Variants in TRPM3 observed in about 807,000 individuals in gnomAD.
The protein encoded by TRPM3 is transient receptor potential cation channel subfamily M member 3, also known as long transient receptor potential channel 3.
Under a neutral mutation model 181.2 loss-of-function variants are expected in TRPM3, and 77 were observed. The observed-to-expected ratio is 0.42, with a 90% CI of 0.35 to 0.51. The LOEUF is 0.51. TRPM3 is among the 20% of genes least tolerant of loss of function. TRPM3 has a pLI of 0.01. For synonymous variants in TRPM3, 745 were observed against 796.4 expected, an observed-to-expected ratio of 0.94 and a Z score of 1.09; for missense variants, 1,759 against 2,196.7, an observed-to-expected ratio of 0.80 and a Z score of 3.98.
At chr9:70,922,963 T>C (rs2096673125) in intron 1 of TRPM3, among the ~76,000 whole-genome samples, 1 of 152,146 alleles carries the variant, frequency 6.6e-6, no homozygotes, top group African/African-American at 2.4e-5. Flanking sequence ...TATGAGATCA[T>C]CTGAAACAGT....
intron 1 of TRPM3, among the ~76,000 whole-genome samples, chr9:71,408,816 G>A (rs1271158041): frequency 6.6e-6 from 1 of 152,134 alleles, no homozygotes; most frequent in Non-Finnish European, 1.5e-5. Flanking sequence ...ATTCACCAAG[G>A]TTGAAATGAA....
rs867766910 is a variant in TRPM3 at position 70,798,282 on chromosome 9, T to C, written c.974-14003A>G. ...GTTGCCCAGGCTGGTCTAGAACTCC[T>C]GGGCTCAAGTGATCTGCCTGCCTTG... On this transcript the variant is annotated intron_variant, in intron 6 of 25. Coordinates refer to ENST00000677713, the MANE Select transcript of TRPM3 (RefSeq NM_001366145.2). Among the ~76,000 whole-genome samples the C allele has an allele frequency of 5.3e-5, 8 of 152,294 alleles. No individual in the cohort carries two copies. The Middle Eastern group carries it at 0.01, about 194-fold the overall frequency.
intron 1 of TRPM3, among the ~76,000 whole-genome samples, chr9:71,386,186 C>A (rs112220867): frequency 2.0e-5 from 3 of 151,850 alleles, no homozygotes; most frequent in Non-Finnish European, 2.9e-5. Flanking sequence ...CGTGGTGGCT[C>A]CTGCCTGTAA....
intron 7 of TRPM3, among the ~76,000 whole-genome samples, chr9:70,763,195 G>C (rs1333280924): frequency 1.3e-5 from 2 of 152,016 alleles, no homozygotes; most frequent in Non-Finnish European, 2.9e-5. Flanking sequence ...CTCCTACAAA[G>C]TGTATATTCT....
chr9:71,103,066 G>A (rs1413944982), intron 1 of TRPM3, among the ~76,000 whole-genome samples: 1 of 152,040 alleles, frequency 6.6e-6, no homozygotes, highest in East Asian at 1.9e-4. Context: ...TTTAGTTTAA[G>A]TAAAAACCAC....
chr9:71,167,935 T>C (rs2076617886), intron 1 of TRPM3, among the ~76,000 whole-genome samples: 1 of 152,196 alleles, frequency 6.6e-6, no homozygotes, highest in Admixed American at 6.6e-5. Flanking sequence ...AGCTGTATAA[T>C]GTTATGACAA....
intron 1 of TRPM3, among the ~76,000 whole-genome samples, chr9:71,043,911 T>C (rs190822654): frequency 1.3e-5 from 2 of 152,294 alleles, no homozygotes; most frequent in Non-Finnish European, 2.9e-5. Context: ...TCCTTAGACC[T>C]GATCCTTTTT....
chr9:71,164,943 T>C (rs2134738136), intron 1 of TRPM3, among the ~76,000 whole-genome samples: 1 of 152,292 alleles, frequency 6.6e-6, no homozygotes, highest in South Asian at 2.1e-4. Flanking sequence ...CAATATAAAG[T>C]TTCATGCATG....
intron 1 of TRPM3, among the ~76,000 whole-genome samples, chr9:70,866,678 G>A (rs2095656590): frequency 6.6e-6 from 1 of 151,988 alleles, no homozygotes; most frequent in Non-Finnish European, 1.5e-5. Flanking sequence ...ACAAGCCCTG[G>A]CTGGCCACTA....
At chr9:71,168,510 CT>C (rs386415035) in intron 1 of TRPM3, among the ~76,000 whole-genome samples, 2,576 of 90,602 alleles carry the variant, frequency 0.028, 103 homozygotes, top group Middle Eastern at 0.07. Flanking sequence ...TGACATTTTT[CT>C]TTTTTTTTTT....
intron 22 of TRPM3, among the ~76,000 whole-genome samples, chr9:70,553,949 G>T (rs944909318): frequency 2.0e-5 from 3 of 152,092 alleles, no homozygotes; most frequent in African/African-American, 7.2e-5. Context: ...GGGGTGATCG[G>T]CCGTGATCAT....
At chr9:70,792,508 GGA>G (rs1236122398) in intron 6 of TRPM3, among the ~76,000 whole-genome samples, 1 of 151,086 alleles carries the variant, frequency 6.6e-6, no homozygotes, top group Non-Finnish European at 1.5e-5. Context: ...GGAAAAAGAG[GGA>G]GAGAGAGAGA....
At chr9:70,655,305 C>CAAAAAAAAAAAAAAAAA (rs1169901529) in intron 9 of TRPM3, among the ~76,000 whole-genome samples, 27 of 33,184 alleles carry the variant, frequency 8.1e-4, no homozygotes, top group African/African-American at 2.3e-3. Context: ...GACTCCGTCT[C>CAAAAAAAAAAAAAAAAA]AAAAAAAAAA....
chr9:71,183,891 G>A (rs2077534510), intron 1 of TRPM3, among the ~76,000 whole-genome samples: 1 of 152,064 alleles, frequency 6.6e-6, no homozygotes, highest in Non-Finnish European at 1.5e-5. Context: ...AAGAAAGCAC[G>A]GTTAAAATCT....
chr9:70,842,009 A>G (rs2094700899), intron 5 of TRPM3, among the ~76,000 whole-genome samples: 2 of 152,038 alleles, frequency 1.3e-5, no homozygotes, highest in South Asian at 4.1e-4. Flanking sequence ...CTAAAAGCCT[A>G]GATTTAATCA....
intron 1 of TRPM3, among the ~76,000 whole-genome samples, chr9:71,111,658 C>T (rs961192622): frequency 5.3e-5 from 8 of 152,208 alleles, no homozygotes; most frequent in African/African-American, 1.2e-4. Flanking sequence ...AAGCTTTCAA[C>T]GACCCTGCAA....
intron 1 of TRPM3, among the ~76,000 whole-genome samples, chr9:70,995,244 T>G (rs2134170159): frequency 6.6e-6 from 1 of 152,322 alleles, no homozygotes; most frequent in South Asian, 2.1e-4. Context: ...GAAGACCTAA[T>G]TAACTCTCTT....
intron 1 of TRPM3, among the ~76,000 whole-genome samples, chr9:71,057,595 C>T (rs1042352014): frequency 3.3e-5 from 5 of 151,982 alleles, no homozygotes; most frequent in African/African-American, 1.2e-4. Flanking sequence ...ATATTATTAG[C>T]TCTAATCCTC....
chr9:70,923,822 C>CTA (rs1221077628), intron 1 of TRPM3, among the ~76,000 whole-genome samples: 18 of 140,918 alleles, frequency 1.3e-4, no homozygotes, highest in East Asian at 7.9e-4. Flanking sequence ...CTCTCTCTCT[C>CTA]TCTCTCTATA....
Sources: allele counts gnomAD v4.1 joint callset (sites outside exome capture counted in the v4.1 genomes callset), GRCh38; gene constraint gnomAD v4.1.1; transcripts MANE v1.5; gene names NCBI Gene and HGNC (gene_info 2026-07-23, HGNC 2026-07-21).